MALRD1: variants seen among roughly 807,000 people sequenced by gnomAD.
MALRD1 encodes MAM and LDL receptor class A domain containing 1.
A neutral mutation model predicts 242.1 loss-of-function variants in MALRD1; 247 were observed. The ratio of observed to expected loss-of-function variants is 1.02; its 90% confidence interval spans 0.92 to 1.13. The LOEUF (loss-of-function observed/expected upper bound fraction) is 1.13. Among genes scored for constraint, MALRD1 ranks in the 50% most tolerant of loss-of-function variants. The probability of loss-of-function intolerance (pLI) is 0.00; values close to 1 mark genes in which losing one functional copy is unlikely to be tolerated. For synonymous variants in MALRD1, 995 were observed against 866.6 expected, an observed-to-expected ratio of 1.15 and a Z score of -2.60; for missense variants, 2,989 against 2,533.1, an observed-to-expected ratio of 1.18 and a Z score of -3.86.
At position 19,179,944 on chromosome 10, in the gene MALRD1, T is replaced by TAGCATCCCTG. The variant is rs765377906; in HGVS notation, c.1951+4617_1951+4618insGCATCCCTGA. Among the ~76,000 whole-genome samples the TAGCATCCCTG allele has an allele frequency of 8.2e-4, 125 of 152,116 alleles. 1 individual carries two copies. The highest frequency in any genetic ancestry group is 5.6e-3 in the Admixed American group (85 of 15,278). On this transcript the variant is annotated intron_variant, in intron 14 of 39. Transcript: ENST00000454679. The stretch of plus-strand genomic sequence containing the variant: ...TTTCTGCTTTCTACTTAAATGATTC[T>TAGCATCCCTG]AAAACTATCCTAGCATCCCTGAAAA...
intron 28 of MALRD1, among the ~76,000 whole-genome samples, chr10:19,446,866 A>C (rs1379377678): frequency 6.6e-6 from 1 of 152,150 alleles, no homozygotes; most frequent in Non-Finnish European, 1.5e-5. Context: ...TATACAAGGG[A>C]AAAGTCCCTC....
intron 14 of MALRD1, among the ~76,000 whole-genome samples, chr10:19,186,213 C>A (rs1253355335): frequency 1.3e-5 from 2 of 152,126 alleles, no homozygotes; most frequent in Admixed American, 6.5e-5. Flanking sequence ...TTTCCATTCT[C>A]TTCTCATTGT....
rs556360752 is a variant in MALRD1, at chr10:19,339,010, CCTA to C, written c.3901+7432_3901+7434del. Among the ~76,000 whole-genome samples the C allele has an allele frequency of 2.2e-4, 33 of 150,170 alleles. No individual in the cohort carries two copies. In the South Asian group the frequency reaches 6.8e-3, roughly 31 times the overall value. On this transcript the variant is annotated intron_variant, in intron 24 of 39. Coordinates refer to ENST00000454679, the MANE Select transcript of MALRD1 (RefSeq NM_001142308.3). ...ATATAGTTAGATTGAATTAATAAGT[CCTA>C]CTATTAGCACGTCAGGGTGACTATA...
chr10:19,188,809 G>T (rs534039830), intron 14 of MALRD1, among the ~76,000 whole-genome samples: 131 of 151,966 alleles, frequency 8.6e-4, no homozygotes, highest in African/African-American at 3.0e-3. Context: ...GTATTCCAAG[G>T]ACTGAATAAG....
At chr10:19,514,174 C>T (rs1052536168) in intron 31 of MALRD1, among the ~76,000 whole-genome samples, 3 of 152,102 alleles carry the variant, frequency 2.0e-5, no homozygotes, top group African/African-American at 7.2e-5. Context: ...TATAGTGCAA[C>T]TGGCAAGAAA....
chr10:19,587,115 C>A (rs985941916), intron 33 of MALRD1, among the ~76,000 whole-genome samples: 1 of 152,204 alleles, frequency 6.6e-6, no homozygotes, highest in African/African-American at 2.4e-5. Context: ...CACTGACCTG[C>A]GTCCACTGTC....
chr10:19,631,279 A>C (rs1839888410), intron 36 of MALRD1, among the ~76,000 whole-genome samples: 1 of 152,208 alleles, frequency 6.6e-6, no homozygotes, highest in Admixed American at 6.5e-5. Context: ...TTTACTAAGG[A>C]TGATGGCCTC....
At chr10:19,381,737 G>A (rs1439810774) in intron 26 of MALRD1, among the ~76,000 whole-genome samples, 1 of 151,966 alleles carries the variant, frequency 6.6e-6, no homozygotes, top group Non-Finnish European at 1.5e-5. Context: ...TACTTAGGAG[G>A]CTGAGGCAGG....
intron 28 of MALRD1, among the ~76,000 whole-genome samples, chr10:19,411,491 G>A (rs1833274457): frequency 6.6e-6 from 1 of 152,106 alleles, no homozygotes; most frequent in African/African-American, 2.4e-5. Context: ...CTAACTACAT[G>A]ATCTTATTTA....
At position 19,533,092 on chromosome 10, in the gene MALRD1, G is replaced by C. The variant is rs959026294; in HGVS notation, c.5478+1741G>C. ...CAGACCTTTCCATATAATGTAGGCA[G>C]ATTTCGGTCACTTTCTAAGAAATTG... On this transcript the variant is annotated intron_variant, in intron 32 of 39. Transcript: ENST00000454679. Among the ~76,000 whole-genome samples the C allele has an allele frequency of 6.6e-5, 10 of 152,282 alleles. No homozygotes were observed. In the East Asian group the frequency reaches 1.5e-3, roughly 24 times the overall value.
chr10:19,723,754 A>G (rs1834885017), intron 38 of MALRD1, among the ~76,000 whole-genome samples: 1 of 151,698 alleles, frequency 6.6e-6, no homozygotes, highest in Non-Finnish European at 1.5e-5. Flanking sequence ...AAAATAAAAA[A>G]TAAAAAAATT....
intron 5 of MALRD1, among the ~76,000 whole-genome samples, chr10:19,110,691 C>T (rs772919760): frequency 2.2e-4 from 33 of 152,088 alleles, no homozygotes; most frequent in Non-Finnish European, 3.8e-4. Flanking sequence ...CATGGTATTC[C>T]TGGGTCCAGA....
chr10:19,246,145 A>G (rs571225400), intron 18 of MALRD1, among the ~76,000 whole-genome samples: 2 of 152,130 alleles, frequency 1.3e-5, no homozygotes, highest in Non-Finnish European at 1.5e-5. Flanking sequence ...TGCTGATACT[A>G]TCTCAATAGA....
Position 19,091,900 on chromosome 10 carries a change from T to C in MALRD1, c.597+3715T>C, listed in dbSNP as rs1468332634. ...TCAGTTTCCATGTAGTTGAGCGGCT[T>C]TGAGTGAGATTCTTAATCCTGAGTT... On this transcript the variant is annotated intron_variant, in intron 4 of 39. Coordinates refer to ENST00000454679, the MANE Select transcript of MALRD1 (RefSeq NM_001142308.3). Among the ~76,000 whole-genome samples the C allele has an allele frequency of 2.3e-5, 2 of 85,116 alleles. 1 individual carries two copies. Among genetic ancestry groups the C allele is most frequent in the African/African-American group, 1.5e-4 (2 of 13,464 alleles). The allele number at this position is 85,116 out of a possible 152,430, so 55.8% of individuals were successfully genotyped here.
At chr10:19,532,249 C>CT (rs959400961) in intron 32 of MALRD1, among the ~76,000 whole-genome samples, 28 of 151,942 alleles carry the variant, frequency 1.8e-4, no homozygotes, top group South Asian at 1.7e-3. Flanking sequence ...AATCTGATAT[C>CT]TTTTTTTTGG....
intron 23 of MALRD1, among the ~76,000 whole-genome samples, chr10:19,329,418 C>CT (rs1377668166): frequency 1.1e-5 from 1 of 90,370 alleles, no homozygotes; most frequent in Admixed American, 1.0e-4. Flanking sequence ...TGGGACCCCC[C>CT]CCCAATTTAA....
At chr10:19,423,789 C>T (rs1833801501) in intron 28 of MALRD1, among the ~76,000 whole-genome samples, 1 of 152,156 alleles carries the variant, frequency 6.6e-6, no homozygotes, top group African/African-American at 2.4e-5. Context: ...GAAGCACTTC[C>T]TTCTGCTGTT....
chr10:19,146,899 A>G (rs1833744856), intron 11 of MALRD1, among the ~76,000 whole-genome samples: 1 of 152,206 alleles, frequency 6.6e-6, no homozygotes, highest in African/African-American at 2.4e-5. Context: ...TGGTTTTCCA[A>G]TAAGTGTCTG....
At chr10:19,170,702 TAG>T (rs1339025883) in intron 13 of MALRD1, among the ~76,000 whole-genome samples, 1 of 152,128 alleles carries the variant, frequency 6.6e-6, no homozygotes, top group Non-Finnish European at 1.5e-5. Flanking sequence ...TTTATTTCAT[TAG>T]AGAGATGCAG....
Sources: allele counts gnomAD v4.1 joint callset (sites outside exome capture counted in the v4.1 genomes callset), GRCh38; gene constraint gnomAD v4.1.1; transcripts MANE v1.5; gene names NCBI Gene and HGNC (gene_info 2026-07-23, HGNC 2026-07-21).